The following AGBL3 variants were observed in gnomAD, a reference collection of about 807,000 sequenced individuals.
AGBL3 encodes AGBL carboxypeptidase 3.
In AGBL3, 68 loss-of-function variants were observed where a neutral mutation model predicts 94.5. That is an observed-to-expected ratio of 0.72 (90% CI 0.59 to 0.88). The LOEUF (loss-of-function observed/expected upper bound fraction) is 0.88, where lower values mean the gene tolerates loss of function less well. Among genes scored for constraint, AGBL3 ranks in the 40% least tolerant of loss-of-function variants. The pLI is 0.00. For missense variants in AGBL3, 934 were observed against 1,103.8 expected (o/e 0.85, Z 2.18); for synonymous variants, 354 against 370.7 (o/e 0.95, Z 0.52).
intron 16 of AGBL3, among the ~76,000 whole-genome samples, chr7:135,123,014 A>G (rs1459968707): frequency 6.6e-6 from 1 of 152,168 alleles, no homozygotes; most frequent in Non-Finnish European, 1.5e-5. Flanking sequence ...ATGTATCTCC[A>G]GCAATGGCAC....
chr7:135,089,689 T>C (rs1354858312), intron 15 of AGBL3, among the ~76,000 whole-genome samples: 2 of 152,232 alleles, frequency 1.3e-5, no homozygotes, highest in African/African-American at 4.8e-5. Context: ...GCAGCAAAGG[T>C]TGTTCATCTC....
intron 4 of AGBL3, among the ~76,000 whole-genome samples, chr7:135,015,502 G>A (rs992851215): frequency 1.3e-5 from 2 of 152,112 alleles, no homozygotes; most frequent in Non-Finnish European, 2.9e-5. Context: ...ATGGGTATCA[G>A]AAGTGGGTTA....
At chr7:134,993,004 C>T (rs1810492318) in intron 3 of AGBL3, among the ~76,000 whole-genome samples, 4 of 152,278 alleles carry the variant, frequency 2.6e-5, no homozygotes, top group East Asian at 1.9e-4. Flanking sequence ...GCCTGCTTGG[C>T]GTGGCCCCAT....
intron 11 of AGBL3, among the ~76,000 whole-genome samples, chr7:135,049,469 ATT>A (rs907303867): frequency 2.6e-5 from 4 of 151,860 alleles, no homozygotes; most frequent in Non-Finnish European, 5.9e-5. Context: ...CTCTCCTTCT[ATT>A]TGAGTTTAAG....
At chr7:134,999,726 T>C (rs1020671657) in intron 4 of AGBL3, among the ~76,000 whole-genome samples, 1 of 152,234 alleles carries the variant, frequency 6.6e-6, no homozygotes, top group African/African-American at 2.4e-5. Context: ...TGGCCAGCCA[T>C]TGGCACACCC....
chr7:135,075,630 A>T (rs944601182), intron 12 of AGBL3, among the ~76,000 whole-genome samples: 2 of 152,218 alleles, frequency 1.3e-5, no homozygotes, highest in Non-Finnish European at 2.9e-5. Context: ...TGGTACATAC[A>T]TGTTTAATTC....
At chr7:135,060,244 G>C (rs1271451594) in intron 12 of AGBL3, among the ~76,000 whole-genome samples, 1 of 151,956 alleles carries the variant, frequency 6.6e-6, no homozygotes, top group Admixed American at 6.6e-5. Context: ...TACATAATTT[G>C]TGTCATCATT....
chr7:135,049,495 A>C (rs1170543789), intron 11 of AGBL3, among the ~76,000 whole-genome samples: 2 of 151,948 alleles, frequency 1.3e-5, no homozygotes, highest in Non-Finnish European at 2.9e-5. Context: ...GATTGGCATT[A>C]ATTATTCTTT....
intron 12 of AGBL3, among the ~76,000 whole-genome samples, chr7:135,071,914 G>A (rs1355069781): frequency 6.6e-6 from 1 of 152,096 alleles, no homozygotes; most frequent in Non-Finnish European, 1.5e-5. Context: ...TGACAAATGG[G>A]ATCTAATTAA....
At chr7:135,115,149 A>T (rs1417660215) in intron 15 of AGBL3, among the ~76,000 whole-genome samples, 1 of 152,010 alleles carries the variant, frequency 6.6e-6, no homozygotes, top group Non-Finnish European at 1.5e-5. Flanking sequence ...ATGGAAATCA[A>T]CCCCTCAAGA....
intron 4 of AGBL3, among the ~76,000 whole-genome samples, chr7:135,016,524 A>G (rs4286887): frequency 0.93 from 141,596 of 152,122 alleles, 66,684 homozygotes; most frequent in Non-Finnish European, 1. Context: ...AGACCTGAGA[A>G]TAGTGCAGAT....
intron 5 of AGBL3, among the ~76,000 whole-genome samples, chr7:135,018,376 A>G (rs1431053221): frequency 6.6e-6 from 1 of 152,232 alleles, no homozygotes; most frequent in East Asian, 1.9e-4. Context: ...AGTGCCTCCC[A>G]TTGTCCACAG....
chr7:135,121,568 C>A (rs956252154), intron 16 of AGBL3, among the ~76,000 whole-genome samples: 81 of 148,590 alleles, frequency 5.5e-4, no homozygotes, highest in African/African-American at 1.9e-3. Context: ...AAAAAAAAAA[C>A]CTAAACATTT....
At chr7:134,987,382 C>CTAAGAA (rs1274816668) in intron 1 of AGBL3, among the ~76,000 whole-genome samples, 4 of 152,020 alleles carry the variant, frequency 2.6e-5, no homozygotes, top group Non-Finnish European at 5.9e-5. Flanking sequence ...ATTTAGATTT[C>CTAAGAA]TAAGAATAAG....
intron 7 of AGBL3, 49 bp downstream of exon 7, chr7:135,034,977 G>GT: frequency 1.4e-6 from 2 of 1,418,074 alleles, no homozygotes; most frequent in Non-Finnish European, 1.8e-6. Context: ...AAACTTGGTA[G>GT]TAACAATTTT....
chr7:135,125,705 T>C (rs1211548261), intron 16 of AGBL3, among the ~76,000 whole-genome samples: 1 of 152,194 alleles, frequency 6.6e-6, no homozygotes, highest in African/African-American at 2.4e-5. Context: ...CATGATGAAG[T>C]TGGCTTCATC....
chr7:134,994,543 T>C (rs1013830572), intron 4 of AGBL3, among the ~76,000 whole-genome samples: 2 of 152,194 alleles, frequency 1.3e-5, no homozygotes, highest in African/African-American at 2.4e-5. Context: ...CTTTTGTTGA[T>C]TGAGGCACGC....
intron 12 of AGBL3, among the ~76,000 whole-genome samples, chr7:135,061,167 T>C (rs933485453): frequency 2.0e-5 from 3 of 152,128 alleles, no homozygotes; most frequent in Non-Finnish European, 4.4e-5. Flanking sequence ...TTTTTAAATA[T>C]ACCTGTTGGC....
rs563532568 is a variant in AGBL3 at position 135,098,442 on chromosome 7, C to T, written c.2110+16652C>T. Among the ~76,000 whole-genome samples, 12 of 152,304 alleles carry T rather than the reference C, an allele frequency of 7.9e-5. No homozygotes were observed. In the South Asian group the frequency reaches 1.4e-3, roughly 18 times the overall value. On this transcript the variant is annotated intron_variant, in intron 15 of 16. Transcript: ENST00000436302. ...AGGGAATGATGACAAGGAAAAAAGT[C>T]TGCACGTGTTTGGTACAGATGCATT...
Sources: allele counts gnomAD v4.1 joint callset (sites outside exome capture counted in the v4.1 genomes callset), GRCh38; gene constraint gnomAD v4.1.1; transcripts MANE v1.5; gene names NCBI Gene and HGNC (gene_info 2026-07-23, HGNC 2026-07-21).